Variants in C12orf54 observed in about 807,000 individuals in gnomAD.
C12orf54 encodes the protein uncharacterized protein C12orf54.
A neutral mutation model predicts 26.4 loss-of-function variants in C12orf54; 24 were observed. That is an observed-to-expected ratio of 0.91 (90% confidence interval 0.66 to 1.28). The LOEUF is 1.28. Among genes scored for constraint, C12orf54 ranks in the 50% most tolerant of loss-of-function variants. The pLI is 0.00. For synonymous variants in C12orf54, 54 were observed against 47.0 expected (o/e 1.15, Z -0.61); for missense variants, 154 against 150.9 (o/e 1.02, Z -0.11).
the C12orf54 span, among the ~76,000 whole-genome samples, chr12:48,474,508 C>T: frequency 6.6e-6 from 1 of 152,186 alleles, no homozygotes; most frequent in African/African-American, 2.4e-5. Context: ...AAAGGGGTGA[C>T]AGATGGCACC....
the C12orf54 span, among the ~76,000 whole-genome samples, chr12:48,436,843 G>T: frequency 6.6e-6 from 1 of 152,126 alleles, no homozygotes; most frequent in African/African-American, 2.4e-5. Context: ...ACAATTAAAA[G>T]AACTAGAGAA....
the C12orf54 span, among the ~76,000 whole-genome samples, chr12:48,434,363 A>T: frequency 6.6e-6 from 1 of 152,212 alleles, no homozygotes; most frequent in Non-Finnish European, 1.5e-5. Flanking sequence ...AAAAGACAGC[A>T]ATAACCTCTG....
At chr12:48,443,990 C>T in the C12orf54 span, among the ~76,000 whole-genome samples, 1 of 152,192 alleles carries the variant, frequency 6.6e-6, no homozygotes. Flanking sequence ...CCCAGTTTAA[C>T]AATAAACAGC....
the C12orf54 span, among the ~76,000 whole-genome samples, chr12:48,448,542 G>A: frequency 6.6e-6 from 1 of 152,174 alleles, no homozygotes; most frequent in Non-Finnish European, 1.5e-5. Flanking sequence ...ATTTGAACAT[G>A]TTTTGGTTTA....
chr12:48,494,407 A>G (rs1203663895), intron 7 of C12orf54, among the ~76,000 whole-genome samples: 2 of 152,170 alleles, frequency 1.3e-5, no homozygotes, highest in Admixed American at 6.5e-5. Flanking sequence ...AAACCATGGA[A>G]GGAATAAATG....
Position 48,483,360 on chromosome 12 carries a change from AG to A in C12orf54, c.65+1del. 1 of 1,613,718 alleles carries A rather than the reference AG, an allele frequency of 6.2e-7. No homozygotes were observed. The highest frequency in any genetic ancestry group is 8.5e-7 in the Non-Finnish European group (1 of 1,179,726). On this transcript the variant is annotated frameshift_variant and splice_region_variant, in exon 2 of 9. Transcript: ENST00000548364. LOFTEE classifies it high-confidence loss of function. ...AGAAATGACCTCCAAGCAGCAGAGA[AG>A]GTAATGGGGCTAATGATGACCCTCA... Reference protein sequence around the residue: ...KVEMTSKQQRSTSIEETMRPQ... With the variant: ...KVEMTSKQQRXTSIEETMRPQ...
intron 7 of C12orf54, among the ~76,000 whole-genome samples, chr12:48,493,371 C>A (rs967904077): frequency 5.9e-5 from 9 of 152,080 alleles, no homozygotes; most frequent in African/African-American, 1.9e-4. Context: ...TGGGGTGGTT[C>A]ACGCGTATAA....
At chr12:48,482,807 A>AG (rs1954212074) in intron 1 of C12orf54, among the ~76,000 whole-genome samples, 1 of 128,890 alleles carries the variant, frequency 7.8e-6, no homozygotes, top group East Asian at 2.7e-4. Context: ...CTGAGGTGGG[A>AG]GGGGGTGGGG....
chr12:48,491,899 A>G (rs1215589452), intron 6 of C12orf54, among the ~76,000 whole-genome samples: 1 of 152,254 alleles, frequency 6.6e-6, no homozygotes, highest in East Asian at 1.9e-4. Flanking sequence ...GGTAGGCTTG[A>G]ATTCTGAGAT....
At chr12:48,473,503 CTTA>C in the C12orf54 span, 1 of 397,090 alleles carries the variant, frequency 2.5e-6, no homozygotes, top group Non-Finnish European at 4.8e-6. Flanking sequence ...CCCCCTGAAA[CTTA>C]TTTTTTTCTG....
chr12:48,445,112 G>A, the C12orf54 span, among the ~76,000 whole-genome samples: 1 of 152,152 alleles, frequency 6.6e-6, no homozygotes, highest in African/African-American at 2.4e-5. Flanking sequence ...GGCAGAGCTT[G>A]CAGTGAGCCA....
the C12orf54 span, among the ~76,000 whole-genome samples, chr12:48,431,398 G>T: frequency 6.6e-6 from 1 of 151,916 alleles, no homozygotes; most frequent in African/African-American, 2.4e-5. Context: ...GCTGTATGTT[G>T]GAAACTTTTC....
chr12:48,449,084 G>A, the C12orf54 span, among the ~76,000 whole-genome samples: 2 of 152,290 alleles, frequency 1.3e-5, no homozygotes, highest in East Asian at 3.9e-4. Context: ...CAATAGAAAG[G>A]AAACATTCAG....
the C12orf54 span, among the ~76,000 whole-genome samples, chr12:48,416,871 A>G: frequency 1.3e-5 from 2 of 151,922 alleles, no homozygotes; most frequent in African/African-American, 2.4e-5. Flanking sequence ...CCAAAAAAAA[A>G]AGAGAGAGAT....
the C12orf54 span, among the ~76,000 whole-genome samples, chr12:48,466,640 A>C: frequency 6.6e-6 from 1 of 152,140 alleles, no homozygotes; most frequent in South Asian, 2.1e-4. Flanking sequence ...ACAACACTAC[A>C]CACCTATTAG....
At chr12:48,488,534 T>G in intron 4 of C12orf54, 1 of 388,236 alleles carries the variant, frequency 2.6e-6, no homozygotes, top group Non-Finnish European at 4.8e-6. Context: ...TTTTCCAAAG[T>G]GAGCATATGA....
chr12:48,447,863 C>A, the C12orf54 span, among the ~76,000 whole-genome samples: 1 of 152,108 alleles, frequency 6.6e-6, no homozygotes, highest in Non-Finnish European at 1.5e-5. Context: ...CTTTCTCCCA[C>A]TGGTGTGAGA....
At chr12:48,436,048 G>A in the C12orf54 span, among the ~76,000 whole-genome samples, 11 of 152,126 alleles carry the variant, frequency 7.2e-5, no homozygotes, top group South Asian at 1.5e-3. Flanking sequence ...GGCTCAAAAT[G>A]AAGGGATGGA....
At chr12:48,471,942 C>T in the C12orf54 span, among the ~76,000 whole-genome samples, 1 of 151,990 alleles carries the variant, frequency 6.6e-6, no homozygotes, top group Non-Finnish European at 1.5e-5. Flanking sequence ...GGAATATGAC[C>T]GTTTTAATAA....
Sources: gnomAD v4.1 joint callset for allele counts (sites outside exome capture counted in the v4.1 genomes callset) on GRCh38, gnomAD v4.1.1 for gene constraint, MANE v1.5 for transcripts, NCBI Gene and HGNC (gene_info 2026-07-23, HGNC 2026-07-21) for gene names.